CR1L: variants seen among roughly 807,000 people sequenced by gnomAD.
CR1L encodes complement component receptor 1-like protein.
CR1L carries 59 observed loss-of-function variants against 62.3 expected under a neutral mutation model. The observed-to-expected ratio is 0.95, with a 90% CI of 0.77 to 1.18. CR1L has a LOEUF of 1.18. CR1L is among the 50% of genes most tolerant of loss of function. CR1L has a pLI of 0.00. For missense variants in CR1L, 700 were observed against 702.8 expected (o/e 1.00, Z 0.04); for synonymous variants, 279 against 248.7 (o/e 1.12, Z -1.15).
intron 1 of CR1L, among the ~76,000 whole-genome samples, chr1:207,659,715 G>A (rs1038176294): frequency 6.6e-6 from 1 of 152,210 alleles, no homozygotes; most frequent in African/African-American, 2.4e-5. Context: ...CCTCACCAAG[G>A]AAGTACAAAG....
Position 207,655,351 on chromosome 1 carries a change from T to C in CR1L, c.97+10021T>C, listed in dbSNP as rs150580247. The C allele has an allele frequency of 8.8e-3, 3,541 of 401,398 alleles. 26 individuals are homozygous for C. Among genetic ancestry groups the C allele is most frequent in the Non-Finnish European group, 0.013 (2,752 of 214,742 alleles). 24.9% of individuals were successfully genotyped at this position (401,398 alleles called of 1,614,324 possible). On this transcript the variant is annotated intron_variant, in intron 1 of 11. Transcript: ENST00000508064. ...AGATTTTTTGCCTCAGGGCACCTTT[T>C]ACATTTTAAGATTAACAAAGATCCC...
chr1:207,656,082 C>G (rs1663305687), intron 1 of CR1L, among the ~76,000 whole-genome samples: 1 of 152,078 alleles, frequency 6.6e-6, no homozygotes, highest in African/African-American at 2.4e-5. Context: ...ACTAAAAATA[C>G]AAAAAATTAG....
chr1:207,682,034 A>G (rs1238792468), intron 3 of CR1L, among the ~76,000 whole-genome samples: 2 of 152,138 alleles, frequency 1.3e-5, no homozygotes, highest in Non-Finnish European at 2.9e-5. Flanking sequence ...ACTAGGAGAA[A>G]TACCTAATGT....
At chr1:207,668,999 A>T (rs760248282) in intron 1 of CR1L, 6 of 205,088 alleles carry the variant, frequency 2.9e-5, no homozygotes, top group Non-Finnish European at 5.9e-5. Flanking sequence ...TGCACTGTAC[A>T]CATCGCCTGC....
rs934661512 is a variant in CR1L at position 207,706,017 on chromosome 1, A to G, written c.1329-2161A>G. ...CATATATATGTGTGTGTGTATGTAT[A>G]TATATATATATATATATATATATAT... On this transcript the variant is annotated intron_variant, in intron 9 of 11. Coordinates refer to ENST00000508064, the MANE Select transcript of CR1L (RefSeq NM_175710.2). Among the ~76,000 whole-genome samples the G allele has an allele frequency of 5.5e-3, 250 of 45,798 alleles. 3 individuals are homozygous for G. In the East Asian group the frequency reaches 0.22, roughly 40 times the overall value. The allele number at this position is 45,798 out of a possible 152,430, so 30.0% of individuals were successfully genotyped here.
At chr1:207,662,033 G>A (rs933356457) in intron 1 of CR1L, among the ~76,000 whole-genome samples, 8 of 152,042 alleles carry the variant, frequency 5.3e-5, no homozygotes, top group East Asian at 1.9e-4. Flanking sequence ...TCTGATGGGC[G>A]TCCCTTTGTG....
At position 207,717,616 on chromosome 1, in the gene CR1L, C is replaced by A. The variant is rs200802570; in HGVS notation, c.1567C>A (p.Arg523Ser). The change falls in exon 11 of 12, where the codon CGC becomes AGC. Residue 523 changes from arginine to serine, a missense_variant. Arg to Ser is a moderately radical substitution (Grantham distance 110). Transcript: ENST00000508064. ...CAACCTCATTGGGGAGAGCACCATCCGCCGCACAAGTGAACCTCATGGGAA... is the reference window on the plus strand; with the variant it reads ...CAACCTCATTGGGGAGAGCACCATCAGCCGCACAAGTGAACCTCATGGGAA... ...TFNLIGESTI[R>S]RTSEPHGNGV... 5 of 1,613,816 alleles carry A rather than the reference C, an allele frequency of 3.1e-6. No homozygotes were observed. The highest frequency in any genetic ancestry group is 1.3e-5 in the African/African-American group (1 of 74,908).
At chr1:207,697,310 T>C (rs1558021628) in intron 5 of CR1L, among the ~76,000 whole-genome samples, 193 bp from the exon 6 acceptor site, 1 of 152,226 alleles carries the variant, frequency 6.6e-6, no homozygotes, top group Admixed American at 6.5e-5. Context: ...AGTTGTGCAA[T>C]GTGTCAGTTC....
chr1:207,691,130 TCTTTA>T (rs1381000367), intron 4 of CR1L, among the ~76,000 whole-genome samples: 2 of 152,354 alleles, frequency 1.3e-5, no homozygotes, highest in South Asian at 2.1e-4. Flanking sequence ...CTTTAAGCAA[TCTTTA>T]CTTTATGTAT....
Position 207,645,193 on chromosome 1 carries a change from T to A in CR1L, c.-41T>A, listed in dbSNP as rs894303561. Reference sequence around the variant, plus strand: ...CTGCTCGGCTGGCTTTCGGTTTCTCTGCTCACCTCCGGATAAATCACGGGG... The same window carrying A: ...CTGCTCGGCTGGCTTTCGGTTTCTCAGCTCACCTCCGGATAAATCACGGGG... On this transcript the variant is annotated 5_prime_UTR_variant, in exon 1 of 12. Coordinates refer to ENST00000508064, the MANE Select transcript of CR1L (RefSeq NM_175710.2). 1 of 1,604,322 alleles carries A rather than the reference T, an allele frequency of 6.2e-7. No homozygotes were observed. Among genetic ancestry groups the A allele is most frequent in the Non-Finnish European group, 8.5e-7 (1 of 1,174,022 alleles).
At chr1:207,669,641 CG>C (rs1663579269) in intron 1 of CR1L, 1 of 878,238 alleles carries the variant, frequency 1.1e-6, no homozygotes, top group Non-Finnish European at 1.7e-6. Context: ...TCGCGTGCCG[CG>C]CTGGGCTGCG....
intron 4 of CR1L, among the ~76,000 whole-genome samples, chr1:207,689,153 C>T (rs1293504251): frequency 1.3e-5 from 2 of 152,002 alleles, no homozygotes; most frequent in Non-Finnish European, 2.9e-5. Context: ...AGGAAACTCC[C>T]CTTTACTTCT....
At chr1:207,701,958 A>G (rs1484921283) in intron 9 of CR1L, among the ~76,000 whole-genome samples, 1 of 152,204 alleles carries the variant, frequency 6.6e-6, no homozygotes, top group Non-Finnish European at 1.5e-5. Context: ...TGTGTGAGAG[A>G]ACAAATCTTA....
intron 4 of CR1L, among the ~76,000 whole-genome samples, chr1:207,687,355 T>G (rs540761244): frequency 6.6e-6 from 1 of 152,326 alleles, no homozygotes; most frequent in South Asian, 2.1e-4. Context: ...CCATGTAGAC[T>G]TTTTGCTGAA....
chr1:207,652,499 A>C (rs928848761), intron 1 of CR1L: 2 of 1,046,588 alleles, frequency 1.9e-6, no homozygotes, highest in African/African-American at 1.6e-5. Flanking sequence ...TGGCTGATGA[A>C]AGTGATATCA....
chr1:207,685,594 G>A (rs1275881190), intron 4 of CR1L, among the ~76,000 whole-genome samples: 2 of 152,154 alleles, frequency 1.3e-5, no homozygotes, highest in Admixed American at 1.3e-4. Flanking sequence ...ATTAAGTGCT[G>A]CCAATTGGAC....
intron 5 of CR1L, among the ~76,000 whole-genome samples, chr1:207,697,160 T>C (rs528002334): frequency 9.2e-5 from 14 of 152,260 alleles, no homozygotes; most frequent in Admixed American, 6.5e-4. Context: ...CATGGAGATA[T>C]AAAAATCCAT....
intron 1 of CR1L, among the ~76,000 whole-genome samples, chr1:207,670,750 G>C (rs1663599228): frequency 6.6e-6 from 1 of 151,214 alleles, no homozygotes; most frequent in Admixed American, 6.6e-5. Context: ...GTCTAGTGAA[G>C]AGATATGATA....
intron 3 of CR1L, among the ~76,000 whole-genome samples, chr1:207,682,988 C>CTTTCTTTCTTTCTTTCTTTCT (rs1663825076): frequency 7.0e-6 from 1 of 142,456 alleles, no homozygotes; most frequent in African/African-American, 2.5e-5. Context: ...TTCTTTCTTT[C>CTTTCTTTCTTTCTTTCTTTCT]TTTTTTTCTT....
Sources: gnomAD v4.1 joint callset for allele counts (sites outside exome capture counted in the v4.1 genomes callset) on GRCh38, gnomAD v4.1.1 for gene constraint, MANE v1.5 for transcripts, NCBI Gene and HGNC (gene_info 2026-07-23, HGNC 2026-07-21) for gene names.